Variants in BMAL2 observed in about 807,000 individuals in gnomAD.
The protein encoded by BMAL2 is basic helix-loop-helix ARNT-like protein 2.
chr12:27,345,273 G>T, the BMAL2 span, among the ~76,000 whole-genome samples: 1 of 152,372 alleles, frequency 6.6e-6, no homozygotes, highest in Non-Finnish European at 1.5e-5. Context: ...GCATTCTGCA[G>T]TGGCATTGAA....
the BMAL2 span, among the ~76,000 whole-genome samples, chr12:27,412,076 C>G: frequency 1.3e-5 from 2 of 152,090 alleles, no homozygotes; most frequent in Non-Finnish European, 2.9e-5. Context: ...TGTGGATAAC[C>G]AGTTTTCCCA....
At chr12:27,411,382 C>T in the BMAL2 span, among the ~76,000 whole-genome samples, 1 of 151,898 alleles carries the variant, frequency 6.6e-6, no homozygotes, top group Non-Finnish European at 1.5e-5. Context: ...CTTTGGGAGG[C>T]CAAGGTAGAG....
chr12:27,410,754 T>A, the BMAL2 span, among the ~76,000 whole-genome samples: 1 of 143,374 alleles, frequency 7.0e-6, no homozygotes, highest in Non-Finnish European at 1.6e-5. Context: ...ATAAAAAAAA[T>A]AATAATTTTT....
At chr12:27,333,498 C>CG in the BMAL2 span, among the ~76,000 whole-genome samples, 2 of 152,276 alleles carry the variant, frequency 1.3e-5, no homozygotes, top group Non-Finnish European at 2.9e-5. Context: ...TGCACTGCTG[C>CG]GGGGACTTCC....
At chr12:27,337,663 T>G in the BMAL2 span, among the ~76,000 whole-genome samples, 5 of 152,180 alleles carry the variant, frequency 3.3e-5, no homozygotes, top group Non-Finnish European at 7.3e-5. Flanking sequence ...CAATATAAGC[T>G]TTGGAACTAG....
the BMAL2 span, among the ~76,000 whole-genome samples, chr12:27,398,512 C>T: frequency 2.0e-5 from 3 of 151,932 alleles, no homozygotes; most frequent in East Asian, 1.9e-4. Context: ...GCACTGGTAG[C>T]GAGCTGTATT....
At chr12:27,402,564 A>G in the BMAL2 span, 55 of 1,424,798 alleles carry the variant, frequency 3.9e-5, no homozygotes, top group Middle Eastern at 1.8e-4. Context: ...TGTAGTTGCT[A>G]TAACAGTTTC....
the BMAL2 span, among the ~76,000 whole-genome samples, chr12:27,384,212 A>G: frequency 2.6e-5 from 4 of 152,120 alleles, no homozygotes; most frequent in African/African-American, 4.8e-5. Flanking sequence ...GGCTTTGCGA[A>G]TCTGGGTTGG....
the BMAL2 span, among the ~76,000 whole-genome samples, chr12:27,415,024 A>AT: frequency 5.9e-5 from 9 of 152,222 alleles, no homozygotes; most frequent in African/African-American, 2.2e-4. Context: ...AGAAAAAAAA[A>AT]GCTGACTAAA....
At chr12:27,397,140 G>A in the BMAL2 span, among the ~76,000 whole-genome samples, 858 of 152,170 alleles carry the variant, frequency 5.6e-3, 11 homozygotes, top group African/African-American at 0.019. Flanking sequence ...GCATGATCTC[G>A]GCTCACTGCA....
chr12:27,345,484 C>CT, the BMAL2 span, among the ~76,000 whole-genome samples: 2 of 151,962 alleles, frequency 1.3e-5, no homozygotes, highest in East Asian at 1.9e-4. Context: ...AGGATAATTT[C>CT]TTTTTTTATT....
At chr12:27,367,164 C>T in the BMAL2 span, among the ~76,000 whole-genome samples, 3 of 152,004 alleles carry the variant, frequency 2.0e-5, no homozygotes, top group Admixed American at 6.6e-5. Flanking sequence ...GCTTTGAGGC[C>T]ACTATTAAGC....
At chr12:27,405,580 C>T in the BMAL2 span, among the ~76,000 whole-genome samples, 7 of 152,184 alleles carry the variant, frequency 4.6e-5, no homozygotes, top group Admixed American at 2.0e-4. Context: ...AGGACATCCA[C>T]ACCAAAACTC....
At chr12:27,372,895 G>T in the BMAL2 span, among the ~76,000 whole-genome samples, 1 of 152,140 alleles carries the variant, frequency 6.6e-6, no homozygotes, top group Non-Finnish European at 1.5e-5. Flanking sequence ...GGATGGTCTC[G>T]ATCTCCTGAC....
At chr12:27,338,795 G>A in the BMAL2 span, among the ~76,000 whole-genome samples, 1 of 152,078 alleles carries the variant, frequency 6.6e-6, no homozygotes, top group Non-Finnish European at 1.5e-5. Flanking sequence ...ACCTTGAAAG[G>A]CAAATTATGG....
At chr12:27,336,065 A>G in the BMAL2 span, among the ~76,000 whole-genome samples, 1 of 152,146 alleles carries the variant, frequency 6.6e-6, no homozygotes, top group African/African-American at 2.4e-5. Context: ...GCAAATAACA[A>G]TTCATTCTGG....
At chr12:27,342,967 A>G in the BMAL2 span, among the ~76,000 whole-genome samples, 1 of 152,242 alleles carries the variant, frequency 6.6e-6, no homozygotes, top group African/African-American at 2.4e-5. Flanking sequence ...CATAAGCAAA[A>G]CAGCCTGATC....
At chr12:27,357,228 C>G in the BMAL2 span, among the ~76,000 whole-genome samples, 2 of 152,058 alleles carry the variant, frequency 1.3e-5, no homozygotes, top group African/African-American at 2.4e-5. Context: ...GTGCAAATAT[C>G]TTTTTTATAT....
the BMAL2 span, among the ~76,000 whole-genome samples, chr12:27,373,676 G>T: frequency 1.3e-5 from 2 of 152,172 alleles, no homozygotes; most frequent in East Asian, 3.8e-4. Context: ...TCCAAAAAGA[G>T]GAATGCCTGA....
Sources: allele counts gnomAD v4.1 joint callset (sites outside exome capture counted in the v4.1 genomes callset), GRCh38; gene constraint gnomAD v4.1.1; transcripts MANE v1.5; gene names NCBI Gene and HGNC (gene_info 2026-07-23, HGNC 2026-07-21).